MON1B: variants seen among roughly 807,000 people sequenced by gnomAD.
The protein encoded by MON1B is vacuolar fusion protein MON1 homolog B.
In MON1B, 26 loss-of-function variants were observed where a neutral mutation model predicts 45.1. The observed-to-expected ratio is 0.58, with a 90% confidence interval of 0.42 to 0.80. The LOEUF (loss-of-function observed/expected upper bound fraction) is 0.80. MON1B is among the 30% of genes least tolerant of loss of function. MON1B has a pLI of 0.00. For synonymous variants in MON1B, 395 were observed against 320.2 expected (o/e 1.23, Z -2.49); for missense variants, 737 against 754.5 (o/e 0.98, Z 0.27).
intron 5 of MON1B, 65 bp downstream of exon 5, chr16:77,195,747 T>C: frequency 3.2e-6 from 5 of 1,575,864 alleles, no homozygotes; most frequent in South Asian, 2.3e-5. Context: ...CTATATTGTA[T>C]CCCCTCCAGC....
intron 4 of MON1B, 61 bp downstream of exon 4, chr16:77,195,215 G>GC (rs771411399): frequency 3.3e-5 from 46 of 1,412,294 alleles, no homozygotes; most frequent in East Asian, 3.2e-4. Flanking sequence ...AGGAAGTTCA[G>GC]CATCTCAGGG....
rs748830523 is a variant in MON1B, at chr16:77,198,250, C to T, written c.1586C>T (p.Thr529Ile). The T allele has an allele frequency of 7.4e-6, 12 of 1,614,230 alleles. 1 individual carries two copies. Among genetic ancestry groups the T allele is most frequent in the Admixed American group, 1.7e-5 (1 of 60,032 alleles). The change falls in exon 6 of 6, where the codon ACA becomes ATA. Residue 529 changes from threonine (T) to isoleucine (I), a missense_variant. Physicochemically the swap from Thr to Ile is moderately conservative, Grantham distance 89 (BLOSUM62 -1). Coordinates refer to ENST00000248248, the MANE Select transcript of MON1B (RefSeq NM_014940.4). ...LFIRYPPKYS[T>I]PPATSTDQAA... ...ATTCGTTACCCACCCAAGTACTCCA[C>T]ACCACCAGCCACCTCTACGGACCAA... is the stretch of plus-strand genomic sequence containing the variant.
In MON1B at chr16:77,199,430, C is replaced by G. The variant is rs966668005; in HGVS notation, c.*1122C>G. On this transcript the variant is annotated 3_prime_UTR_variant, in exon 6 of 6. Transcript: ENST00000248248. ...TTAACCAGTCATCAAGCGAGGCTCG[C>G]GCGCAGGCCCCGCGTTGGAAAATGG... 6.4e-7 allele frequency: 1 copy of G among 1,551,048 alleles called. No homozygotes were observed. The highest frequency in any genetic ancestry group is 1.4e-5 in the African/African-American group (1 of 73,010).
At chr16:77,195,184 G>C in intron 4 of MON1B, 30 bp downstream of exon 4, 2 of 1,501,220 alleles carry the variant, frequency 1.3e-6, no homozygotes, top group African/African-American at 1.4e-5. Flanking sequence ...CAACTGGCTG[G>C]GTGGGAAGGC....
Position 77,199,285 on chromosome 16 carries a change from A to G in MON1B, c.*977A>G. On this transcript the variant is annotated 3_prime_UTR_variant, in exon 6 of 6. Transcript: ENST00000248248. ...TCAAGGTTGTAGCATGTGTGCTGGC[A>G]ATCAGGGCCGCAGTGTGTTCTGCGC... 1.6e-6 allele frequency: 1 copy of G among 628,694 alleles called. No individual in the cohort carries two copies. Among genetic ancestry groups the G allele is most frequent in the Non-Finnish European group, 2.8e-6 (1 of 353,612 alleles). The allele number at this position is 628,694 out of a possible 1,614,324, so 38.9% of individuals were successfully genotyped here. A position where few individuals can be genotyped will look rare whatever the true frequency, so the allele number is the denominator to read the frequency against.
Position 77,199,393 on chromosome 16 carries a change from G to A in MON1B, c.*1085G>A, listed in dbSNP as rs1437368517. 2.0e-6 allele frequency: 3 copies of A among 1,519,256 alleles called. No individual in the cohort carries two copies. The highest frequency in any genetic ancestry group is 1.8e-4 in the Middle Eastern group (1 of 5,476). 94.1% of individuals were successfully genotyped at this position (1,519,256 alleles called of 1,614,324 possible). A position where few individuals can be genotyped will look rare whatever the true frequency, so the allele number is the denominator to read the frequency against. On this transcript the variant is annotated 3_prime_UTR_variant, in exon 6 of 6. Transcript: ENST00000248248. ...GTGCTGAAAAGCCTTTCACCCTCAC[G>A]TGGTTTCTTTTTTAACCAGTCATCA...
intron 5 of MON1B, 134 bp downstream of exon 5, chr16:77,195,816 C>A (rs2054659998): frequency 3.9e-6 from 4 of 1,034,600 alleles, no homozygotes; most frequent in African/African-American, 1.6e-5. Context: ...GCCTGCAACA[C>A]TGTCCCTGCC....
At position 77,191,696 on chromosome 16, in the gene MON1B, G is replaced by T. The variant is rs990073408; in HGVS notation, c.148+63G>T. On this transcript the variant is annotated intron_variant, in intron 2 of 5. Transcript: ENST00000248248. ...TAGGGGTTGTCATTGTTGGACGGGG[G>T]AAGGGTCAGTGGGTGACCAGTAGGG... 4.6e-6 allele frequency: 7 copies of T among 1,519,714 alleles called. No homozygotes were observed. The African/African-American group carries it at 1.1e-4, about 24-fold the overall frequency. The allele number at this position is 1,519,714 out of a possible 1,614,324, so 94.1% of individuals were successfully genotyped here. A position where few individuals can be genotyped will look rare whatever the true frequency, so the allele number is the denominator to read the frequency against.
At position 77,200,764 on chromosome 16, in the gene MON1B, AAG is replaced by A. The variant is rs878977159; in HGVS notation, c.*2458_*2459del. The stretch of plus-strand genomic sequence containing the variant: ...GAGTGAGCAAAAAAAAAAAAAAAAA[AAG>A]AAAAAACAAAAAGAAAAAAATCTCC... On this transcript the variant is annotated 3_prime_UTR_variant, in exon 6 of 6. Coordinates refer to ENST00000248248, the MANE Select transcript of MON1B (RefSeq NM_014940.4). The A allele has an allele frequency of 0.012, 1,248 of 104,224 alleles. 22 individuals are homozygous for A. Among genetic ancestry groups the A allele is most frequent in the African/African-American group, 0.032 (1,195 of 37,366 alleles). The allele number at this position is 104,224 out of a possible 1,614,324, so 6.5% of individuals were successfully genotyped here.
At position 77,194,712 on chromosome 16, in the gene MON1B, A is replaced by G. The variant is rs202114059; in HGVS notation, c.853A>G (p.Ile285Val). Residue 285 changes from isoleucine (I) to valine (V), a missense_variant, in exon 4 of 6, where the codon ATA becomes GTA. Physicochemically the swap from Ile to Val is conservative, Grantham distance 29 (BLOSUM62 3). Transcript: ENST00000248248. This position sits in a 1 kb window ranked among gnomAD's most constrained non-coding sequence, Gnocchi z 8.1. ...LSVLAVGGRLITAAQERNVLA... is the reference protein window; with the variant it reads ...LSVLAVGGRLVTAAQERNVLA... ...AGTGCTGGCAGTAGGCGGTCGACTT[A>G]TAACAGCAGCCCAGGAGCGAAATGT... The G allele has an allele frequency of 1.2e-5, 20 of 1,613,730 alleles. No individual in the cohort carries two copies. Among genetic ancestry groups the G allele is most frequent in the Non-Finnish European group, 1.7e-5 (20 of 1,179,860 alleles).
Position 77,191,275 on chromosome 16 carries a change from A to C in MON1B, c.-11+17A>C. On this transcript the variant is annotated intron_variant, in intron 1 of 5. Transcript: ENST00000248248. ...TTAAAACAGGTGTTTGTATATCTCT[A>C]TTTCCTGAGGCCCAGTAGAGTCTCC... The C allele has an allele frequency of 1.3e-6, 2 of 1,542,418 alleles. No homozygotes were observed. Among genetic ancestry groups the C allele is most frequent in the Non-Finnish European group, 1.7e-6 (2 of 1,146,366 alleles).
At position 77,194,871 on chromosome 16, in the gene MON1B, G is replaced by A. The variant is rs980887641; in HGVS notation, c.1012G>A (p.Ala338Thr). 13 of 1,611,586 alleles carry A rather than the reference G, an allele frequency of 8.1e-6. No homozygotes were observed. Among genetic ancestry groups the A allele is most frequent in the South Asian group, 1.1e-5 (1 of 91,090 alleles). Residue 338 changes from alanine (A) to threonine (T), a missense_variant, in exon 4 of 6, where the codon GCC (alanine) becomes ACC (threonine). Physicochemically the swap from Ala to Thr is moderately conservative, Grantham distance 58 (BLOSUM62 0). Transcript: ENST00000248248. The surrounding 1 kb of genome is among the most constrained non-coding windows in gnomAD (Gnocchi z 8.1). ...CTTCAACCCTGATGGTTTTTTCTAC[G>A]CCTACGTGGCCCGCCTGGATGCTAT... Reference protein sequence around the residue: ...PRFNPDGFFYAYVARLDAMPV... With the variant: ...PRFNPDGFFYTYVARLDAMPV...
intron 1 of MON1B, 38 bp from the exon 2 acceptor site, chr16:77,191,438 T>C: frequency 6.3e-7 from 1 of 1,576,134 alleles, no homozygotes; most frequent in Non-Finnish European, 8.6e-7. Context: ...CAGAAGTTTC[T>C]TTCACCGCCC....
intron 5 of MON1B, 42 bp downstream of exon 5, chr16:77,195,724 A>G (rs752586684): frequency 5.6e-6 from 9 of 1,606,892 alleles, no homozygotes; most frequent in Non-Finnish European, 7.7e-6. Flanking sequence ...TCCCCACTTC[A>G]AGCCTCCTTT....
Position 77,195,110 on chromosome 16 carries a change from G to T in MON1B, c.1251G>T (p.Pro417=), listed in dbSNP as rs371508450. 21 of 1,599,850 alleles carry T rather than the reference G, an allele frequency of 1.3e-5. No individual in the cohort carries two copies. In the Admixed American group the frequency reaches 1.8e-4, roughly 14 times the overall value. The change falls in exon 4 of 6, where the codon CCG becomes CCT. Residue 417 remains proline (P), a synonymous_variant. Coordinates refer to ENST00000248248, the MANE Select transcript of MON1B (RefSeq NM_014940.4). ...GCCTCCGGCACTTCCTGTATAAGCC[G>T]CTGGACATCCCTGACCACCACCGCC... ...APGLRHFLYK[P]LDIPDHHRQL...
In MON1B at chr16:77,194,154, G is replaced by A; in HGVS notation, c.476-181G>A. 1.4e-6 allele frequency: 1 copy of A among 693,144 alleles called. No individual in the cohort carries two copies. The highest frequency in any genetic ancestry group is 2.5e-5 in the East Asian group (1 of 39,750). The allele number at this position is 693,144 out of a possible 1,614,324, so 42.9% of individuals were successfully genotyped here. A position where few individuals can be genotyped will look rare whatever the true frequency, so the allele number is the denominator to read the frequency against. ...CTTGTTCCTTTGTCCATCCCATCAT[G>A]TCTCTGCAAATGTCCAGATTCCTCC... On this transcript the variant is annotated intron_variant, in intron 3 of 5. Coordinates refer to ENST00000248248, the MANE Select transcript of MON1B (RefSeq NM_014940.4). The surrounding 1 kb of genome is among the most constrained non-coding windows in gnomAD (Gnocchi z 8.1).
chr16:77,192,878 G>A (rs977411735), intron 2 of MON1B, among the ~76,000 whole-genome samples: 22 of 152,058 alleles, frequency 1.4e-4, no homozygotes, highest in East Asian at 1.9e-4. Context: ...GGATATTAAC[G>A]ACAGTCATTG....
rs1438744602 is a variant in MON1B at position 77,201,643 on chromosome 16, A to G, written c.*3335A>G. 6.6e-6 allele frequency: 1 copy of G among 152,204 alleles called. No individual in the cohort carries two copies. The highest frequency in any genetic ancestry group is 1.5e-5 in the Non-Finnish European group (1 of 68,032). The allele number at this position is 152,204 out of a possible 1,614,324, so 9.4% of individuals were successfully genotyped here. ...GAATACGTAAGTGTATGGACCAGGA[A>G]TGGTCACTGGAGTGTTGATGTAGGC... On this transcript the variant is annotated 3_prime_UTR_variant, in exon 6 of 6. Coordinates refer to ENST00000248248, the MANE Select transcript of MON1B (RefSeq NM_014940.4).
Position 77,194,543 on chromosome 16 carries a change from A to C in MON1B, c.684A>C (p.Thr228=), listed in dbSNP as rs371327549. 2 of 1,613,862 alleles carry C rather than the reference A, an allele frequency of 1.2e-6. No individual in the cohort carries two copies. Among genetic ancestry groups the C allele is most frequent in the East Asian group, 4.5e-5 (2 of 44,872 alleles). The change falls in exon 4 of 6, where the codon ACA becomes ACC. Residue 228 remains threonine (T), a synonymous_variant. Transcript: ENST00000248248. This position sits in a 1 kb window ranked among gnomAD's most constrained non-coding sequence, Gnocchi z 8.1. ...GCCTGCTGGCTGGTTCAGAGCGCAC[A>C]CTGGACCGACTTCTGGACAGTATGG... ...LRRLLAGSER[T]LDRLLDSMEQ... is the part of the protein sequence containing the mutation.
Sources: allele counts gnomAD v4.1 joint callset (sites outside exome capture counted in the v4.1 genomes callset), GRCh38; gene constraint gnomAD v4.1.1; non-coding constraint Gnocchi (gnomAD v3.1); transcripts MANE v1.5; gene names NCBI Gene and HGNC (gene_info 2026-07-23, HGNC 2026-07-21).